LIFR: variants seen among roughly 807,000 people sequenced by gnomAD.
The protein encoded by LIFR is LIF receptor subunit alpha.
In LIFR, 84 loss-of-function variants were observed where a neutral mutation model predicts 122.2. The ratio of observed to expected loss-of-function variants is 0.69; its 90% CI spans 0.58 to 0.82. The LOEUF is 0.82. Among genes scored for constraint, LIFR ranks in the 40% least tolerant of loss-of-function variants. The probability of loss-of-function intolerance (pLI) is 0.00; values close to 1 mark genes in which losing one functional copy is unlikely to be tolerated. For missense variants in LIFR, 1,294 were observed against 1,311.6 expected (o/e 0.99, Z 0.21); for synonymous variants, 422 against 434.7 (o/e 0.97, Z 0.36).
intron 4 of LIFR, among the ~76,000 whole-genome samples, chr5:38,525,165 T>C (rs1045859970): frequency 6.6e-6 from 1 of 152,168 alleles, no homozygotes; most frequent in African/African-American, 2.4e-5. Flanking sequence ...GGCGGATAAA[T>C]CATGGAAAAT....
intron 4 of LIFR, among the ~76,000 whole-genome samples, chr5:38,525,378 A>G (rs913060325): frequency 1.3e-5 from 2 of 152,222 alleles, no homozygotes; most frequent in Non-Finnish European, 2.9e-5. Context: ...GACCAATTAC[A>G]TATAGTCATG....
intron 1 of LIFR, among the ~76,000 whole-genome samples, chr5:38,575,072 C>A (rs1447586087): frequency 1.3e-5 from 2 of 152,128 alleles, no homozygotes; most frequent in African/African-American, 4.8e-5. Flanking sequence ...CAGAACAGAT[C>A]AACTGTTTTG....
intron 11 of LIFR, among the ~76,000 whole-genome samples, chr5:38,499,804 A>T (rs187779651): frequency 4.7e-4 from 71 of 152,256 alleles, no homozygotes; most frequent in Non-Finnish European, 9.1e-4. Flanking sequence ...GGCCAGCTGT[A>T]CTGATTCCCT....
At chr5:38,599,167 AAAGT>A (rs1750178584), upstream of LIFR, among the ~76,000 whole-genome samples, 1 of 152,230 alleles carries the variant, frequency 6.6e-6, no homozygotes, top group South Asian at 2.1e-4. Flanking sequence ...GTAAAGACAG[AAAGT>A]GAGTCAGGGA....
intron 1 of LIFR, among the ~76,000 whole-genome samples, chr5:38,540,973 G>A (rs1747559514): frequency 6.6e-6 from 1 of 152,124 alleles, no homozygotes; most frequent in Non-Finnish European, 1.5e-5. Context: ...GTGCCTGAAT[G>A]CTTTCTTAAC....
At chr5:38,489,458 T>C (rs535949927) in intron 15 of LIFR, among the ~76,000 whole-genome samples, 1 of 152,296 alleles carries the variant, frequency 6.6e-6, no homozygotes, top group East Asian at 1.9e-4. Context: ...GGAACAAAGG[T>C]AGAACTTACA....
At chr5:38,520,355 T>G (rs933594958) in intron 5 of LIFR, among the ~76,000 whole-genome samples, 9 of 152,218 alleles carry the variant, frequency 5.9e-5, no homozygotes, top group Non-Finnish European at 1.0e-4. Context: ...CACGGTAGGT[T>G]CTGGATATTC....
At chr5:38,482,358 A>G in intron 19 of LIFR, 140 bp from the exon 20 acceptor site, 2 of 774,824 alleles carry the variant, frequency 2.6e-6, no homozygotes, top group Non-Finnish European at 3.9e-6. Context: ...ACAACAGCAC[A>G]GCCACTTTTT....
At position 38,529,253 on chromosome 5, in the gene LIFR, AG is replaced by A. The variant is rs150386013; in HGVS notation, c.143-414del. On this transcript the variant is annotated intron_variant, in intron 2 of 19. Coordinates refer to ENST00000453190, the MANE Select transcript of LIFR (RefSeq NM_001127671.2). ...TTCTAGCACCTCTTGAATCTTCAAT[AG>A]CCCCACTTAAGGAAAAAACAAAAAA... Among the ~76,000 whole-genome samples the A allele has an allele frequency of 5.9e-3, 903 of 152,192 alleles. 3 individuals carry two copies. Among genetic ancestry groups the A allele is most frequent in the African/African-American group, 0.02 (814 of 41,522 alleles).
At chr5:38,599,587 C>T (rs750461984), upstream of LIFR, among the ~76,000 whole-genome samples, 7 of 152,112 alleles carry the variant, frequency 4.6e-5, no homozygotes, top group African/African-American at 7.2e-5. Flanking sequence ...AGTGGAAACA[C>T]GGCTGAGTAT....
chr5:38,575,208 A>C (rs1451208623), intron 1 of LIFR, among the ~76,000 whole-genome samples: 2 of 152,198 alleles, frequency 1.3e-5, no homozygotes, highest in Non-Finnish European at 2.9e-5. Flanking sequence ...CACTTAGAAA[A>C]AGTTCAAAAA....
intron 17 of LIFR, chr5:38,485,554 T>C (rs1744241384): frequency 2.0e-6 from 1 of 509,884 alleles, no homozygotes; most frequent in Non-Finnish European, 3.5e-6. Context: ...ATAAATTCAA[T>C]ATGACTTTAG....
intron 5 of LIFR, among the ~76,000 whole-genome samples, chr5:38,517,960 C>G (rs1448993315): frequency 4.4e-5 from 4 of 90,286 alleles, no homozygotes; most frequent in Non-Finnish European, 7.0e-5. Flanking sequence ...AAAAAACAAA[C>G]AAAAAAAAAC....
At chr5:38,503,374 C>G (rs531237126) in intron 10 of LIFR, among the ~76,000 whole-genome samples, 1 of 152,074 alleles carries the variant, frequency 6.6e-6, no homozygotes, top group Admixed American at 6.6e-5. Flanking sequence ...ATTTGAATAT[C>G]TGCCTGTTTC....
At chr5:38,573,048 C>T (rs1174686853) in intron 1 of LIFR, among the ~76,000 whole-genome samples, 1 of 152,196 alleles carries the variant, frequency 6.6e-6, no homozygotes, top group East Asian at 1.9e-4. Flanking sequence ...GAAATTCAGC[C>T]TTATTAGTTC....
chr5:38,565,634 C>T (rs931843285), intron 1 of LIFR, among the ~76,000 whole-genome samples: 1 of 148,134 alleles, frequency 6.8e-6, no homozygotes, highest in African/African-American at 2.5e-5. Flanking sequence ...GTTGCCCAGG[C>T]TGGAGTACAA....
chr5:38,550,227 G>C, intron 1 of LIFR: 1 of 965,144 alleles, frequency 1.0e-6, no homozygotes. Flanking sequence ...GATTAGATTT[G>C]GTTTTAAACA....
rs1305269957 is a variant in LIFR, at chr5:38,528,806, ATTGT to A, written c.173_176del (p.Asn58IlefsTer52). The A allele has an allele frequency of 1.9e-6, 3 of 1,583,318 alleles. No individual in the cohort carries two copies. Among genetic ancestry groups the A allele is most frequent in the Non-Finnish European group, 2.6e-6 (3 of 1,162,600 alleles). On this transcript the variant is annotated frameshift_variant, in exon 3 of 20. Coordinates refer to ENST00000453190, the MANE Select transcript of LIFR (RefSeq NM_001127671.2). LOFTEE classifies it high-confidence loss of function. ...TCCAAGAACAGTTCCACACTTGCAA[ATTGT>A]TAGTTACACACTTCAAATCATGAGG...
chr5:38,530,379 A>G, intron 2 of LIFR, 127 bp downstream of exon 2: 1 of 663,190 alleles, frequency 1.5e-6, no homozygotes, highest in East Asian at 2.9e-5. Context: ...TAGAAAAAAG[A>G]TGACAAAAAA....
Sources: gnomAD v4.1 joint callset for allele counts (sites outside exome capture counted in the v4.1 genomes callset) on GRCh38, gnomAD v4.1.1 for gene constraint, MANE v1.5 for transcripts, NCBI Gene and HGNC (gene_info 2026-07-23, HGNC 2026-07-21) for gene names.